UNC79: variants seen among roughly 807,000 people sequenced by gnomAD.
UNC79 encodes unc-79 subunit of NALCN channel complex, also known as protein unc-79 homolog.
A neutral mutation model predicts 283.1 loss-of-function variants in UNC79; 37 were observed. The ratio of observed to expected loss-of-function variants is 0.13; its 90% CI spans 0.10 to 0.17. UNC79 has a LOEUF of 0.17. UNC79 is among the 10% of genes least tolerant of loss of function. The probability of loss-of-function intolerance (pLI) is 1.00; values close to 1 mark genes in which losing one functional copy is unlikely to be tolerated. For missense variants in UNC79, 2,272 were observed against 3,211.1 expected, an observed-to-expected ratio of 0.71 and a Z score of 7.07; for synonymous variants, 1,107 against 1,200.2, an observed-to-expected ratio of 0.92 and a Z score of 1.61.
intron 14 of UNC79, among the ~76,000 whole-genome samples, chr14:93,550,514 C>CAAAAAAAAAAAA (rs1205210121): frequency 5.2e-5 from 1 of 19,196 alleles, no homozygotes; most frequent in Non-Finnish European, 1.1e-4. Flanking sequence ...GACTCCGTAT[C>CAAAAAAAAAAAA]AAAAAAAAAA....
At chr14:93,407,920 T>C (rs2055259669) in intron 1 of UNC79, among the ~76,000 whole-genome samples, 1 of 152,114 alleles carries the variant, frequency 6.6e-6, no homozygotes, top group Non-Finnish European at 1.5e-5. Flanking sequence ...CTAGAGGAAA[T>C]TGAAGGCTCT....
At chr14:93,503,884 T>C (rs2059413500) in intron 7 of UNC79, among the ~76,000 whole-genome samples, 1 of 152,132 alleles carries the variant, frequency 6.6e-6, no homozygotes, top group East Asian at 1.9e-4. Flanking sequence ...ATAATGCTTT[T>C]TTGTCATCTT....
intron 4 of UNC79, among the ~76,000 whole-genome samples, chr14:93,480,258 C>G (rs1193903444): frequency 6.6e-6 from 1 of 152,036 alleles, no homozygotes; most frequent in Non-Finnish European, 1.5e-5. Flanking sequence ...AGTAACTTGG[C>G]ATTTATTTGA....
chr14:93,648,025 C>T (rs749807573), intron 35 of UNC79, among the ~76,000 whole-genome samples: 4 of 152,202 alleles, frequency 2.6e-5, no homozygotes, highest in Non-Finnish European at 5.9e-5. Context: ...CCACTGGGCC[C>T]CTCCCACAAC....
chr14:93,456,393 GAGAA>G (rs1465182857), intron 1 of UNC79, among the ~76,000 whole-genome samples: 1 of 152,022 alleles, frequency 6.6e-6, no homozygotes, highest in Non-Finnish European at 1.5e-5. Flanking sequence ...GAAAAAAAAA[GAGAA>G]AGAGTGGAAG....
rs528030382 is a variant in UNC79 at position 93,560,857 on chromosome 14, G to A, written c.1756-11037G>A. ...TAGGGATCCAGCTAGGGCGGCAGCC[G>A]TCAGAGGTTGTAATGGGGACTGATG... On this transcript the variant is annotated intron_variant, in intron 14 of 48. Coordinates refer to ENST00000555664, the Ensembl canonical transcript of UNC79. Among the ~76,000 whole-genome samples, 12 of 152,264 alleles carry A rather than the reference G, an allele frequency of 7.9e-5. No individual in the cohort carries two copies. In the South Asian group the frequency reaches 1.2e-3, roughly 16 times the overall value.
At chr14:93,459,461 A>C (rs1020145579) in intron 1 of UNC79, among the ~76,000 whole-genome samples, 1 of 152,240 alleles carries the variant, frequency 6.6e-6, no homozygotes, top group African/African-American at 2.4e-5. Flanking sequence ...TATTGGAAAC[A>C]ACCTAAATGC....
intron 4 of UNC79, among the ~76,000 whole-genome samples, chr14:93,482,491 A>G (rs753702322): frequency 6.6e-6 from 1 of 152,080 alleles, no homozygotes; most frequent in Admixed American, 6.6e-5. Flanking sequence ...ACCCTATCTC[A>G]TGGAACACAA....
At chr14:93,586,979 T>G (rs1417825809) in intron 22 of UNC79, 71 bp downstream of exon 22, 24 of 1,558,876 alleles carry the variant, frequency 1.5e-5, no homozygotes, top group Non-Finnish European at 2.1e-5. Context: ...AAAGTTAGAT[T>G]AAGATTTACT....
At chr14:93,404,384 G>T (rs1167560452) in intron 1 of UNC79, among the ~76,000 whole-genome samples, 4 of 148,514 alleles carry the variant, frequency 2.7e-5, no homozygotes, top group African/African-American at 5.0e-5. Context: ...CAGCTACTTG[G>T]GAGGCTGAGG....
At chr14:93,588,332 CTGAATATAA>C (rs2064362586) in intron 22 of UNC79, among the ~76,000 whole-genome samples, 1 of 152,046 alleles carries the variant, frequency 6.6e-6, no homozygotes, top group African/African-American at 2.4e-5. Context: ...ACAAAGCTTA[CTGAATATAA>C]ACACACAATG....
chr14:93,496,013 T>G (rs997364162), intron 5 of UNC79, among the ~76,000 whole-genome samples: 3 of 152,234 alleles, frequency 2.0e-5, no homozygotes, highest in Non-Finnish European at 2.9e-5. Context: ...AATTGTGAGA[T>G]AATACATATA....
intron 35 of UNC79, among the ~76,000 whole-genome samples, chr14:93,653,337 A>ATATATATC: frequency 6.6e-6 from 1 of 151,120 alleles, no homozygotes; most frequent in Admixed American, 6.6e-5. Flanking sequence ...ATATATATAT[A>ATATATATC]TATGAATTTT....
chr14:93,471,629 T>C (rs1331049463), intron 2 of UNC79, among the ~76,000 whole-genome samples: 2 of 152,060 alleles, frequency 1.3e-5, no homozygotes, highest in Non-Finnish European at 2.9e-5. Flanking sequence ...TCACAATGCA[T>C]TGTACATTTA....
At chr14:93,537,620 C>T (rs1415128086) in intron 11 of UNC79, among the ~76,000 whole-genome samples, 1 of 152,140 alleles carries the variant, frequency 6.6e-6, no homozygotes, top group Non-Finnish European at 1.5e-5. Flanking sequence ...ACTCTCTGAT[C>T]CATGGTTCTG....
At chr14:93,679,050 G>A (rs1025651797) in intron 41 of UNC79, among the ~76,000 whole-genome samples, 3 of 152,080 alleles carry the variant, frequency 2.0e-5, no homozygotes, top group Non-Finnish European at 4.4e-5. Flanking sequence ...TGTGTAATAG[G>A]TTATTATAAT....
At chr14:93,584,451 T>C (rs115419065) in intron 20 of UNC79, among the ~76,000 whole-genome samples, 2,650 of 152,302 alleles carry the variant, frequency 0.017, 78 homozygotes, top group African/African-American at 0.06. Flanking sequence ...CCAGGTCTTC[T>C]ACTTTAATTT....
chr14:93,414,806 C>T (rs1377817382), intron 1 of UNC79, among the ~76,000 whole-genome samples: 5 of 152,130 alleles, frequency 3.3e-5, no homozygotes, highest in Non-Finnish European at 7.3e-5. Context: ...AATGGGAGTT[C>T]ACTCATGATT....
chr14:93,349,296 C>G (rs1300579733), intron 1 of UNC79, among the ~76,000 whole-genome samples: 1 of 152,210 alleles, frequency 6.6e-6, no homozygotes, highest in Non-Finnish European at 1.5e-5. Context: ...CCTGGCCAAA[C>G]CCTTGGAGAC....
Sources: allele counts gnomAD v4.1 joint callset (sites outside exome capture counted in the v4.1 genomes callset), GRCh38; gene constraint gnomAD v4.1.1; transcripts MANE v1.5; gene names NCBI Gene and HGNC (gene_info 2026-07-23, HGNC 2026-07-21).